The following SLIT2 variants were observed in gnomAD, a reference collection of about 807,000 sequenced individuals.
SLIT2 encodes the protein slit guidance ligand 2.
A neutral mutation model predicts 185.7 loss-of-function variants in SLIT2; 41 were observed. The observed-to-expected ratio is 0.22, with a 90% confidence interval of 0.17 to 0.29. The LOEUF is 0.29. SLIT2 is among the 10% of genes least tolerant of loss of function. The pLI is 1.00. For synonymous variants in SLIT2, 693 were observed against 680.2 expected (o/e 1.02, Z -0.29); for missense variants, 1,571 against 1,909.0 (o/e 0.82, Z 3.30).
chr4:20,472,276 C>CTATATATCTA (rs1715191446), intron 5 of SLIT2, among the ~76,000 whole-genome samples: 2 of 21,664 alleles, frequency 9.2e-5, no homozygotes, highest in African/African-American at 5.6e-4. Context: ...AGATATATAT[C>CTATATATCTA]TATATATATA....
At chr4:20,534,430 G>A (rs1006059062) in intron 18 of SLIT2, among the ~76,000 whole-genome samples, 1 of 152,128 alleles carries the variant, frequency 6.6e-6, no homozygotes, top group Non-Finnish European at 1.5e-5. Flanking sequence ...GGATTAGATT[G>A]AGGTATTTCA....
chr4:20,589,068 T>G (rs777657778), intron 29 of SLIT2, among the ~76,000 whole-genome samples: 1 of 152,190 alleles, frequency 6.6e-6, no homozygotes, highest in Non-Finnish European at 1.5e-5. Context: ...AACATAAAAC[T>G]ATAGAATAAG....
chr4:20,460,888 G>A (rs1713632141), intron 4 of SLIT2, among the ~76,000 whole-genome samples: 1 of 152,106 alleles, frequency 6.6e-6, no homozygotes, highest in Admixed American at 6.5e-5. Context: ...GTTCAAAAGA[G>A]GGAACAAGGG....
chr4:20,501,027 C>T (rs10005293), intron 9 of SLIT2, among the ~76,000 whole-genome samples: 3,142 of 152,138 alleles, frequency 0.021, 77 homozygotes, highest in African/African-American at 0.059. Context: ...TGCAATGATT[C>T]TTCTCTAGAT....
chr4:20,317,341 AT>A (rs5856556), intron 4 of SLIT2, among the ~76,000 whole-genome samples: 29,365 of 151,946 alleles, frequency 0.19, 3,431 homozygotes, highest in Middle Eastern at 0.31. Flanking sequence ...CTTCAATTTC[AT>A]GTATTTTAAG....
chr4:20,553,895 T>C lies in SLIT2; in HGVS notation c.2652T>C (p.Ala884=). Residue 884 remains alanine (A), a synonymous_variant, in exon 26 of 37, where the codon GCT becomes GCC. Transcript: ENST00000504154. ...VKSEYKEPGI[A]RCAGPGEMAD... ...CGGAATATAAGGAGCCTGGAATTGCTCGTTGTGCTGGTCCTGGAGAAATGG... is the reference window on the plus strand; with the variant it reads ...CGGAATATAAGGAGCCTGGAATTGCCCGTTGTGCTGGTCCTGGAGAAATGG... 1 of 1,612,934 alleles carries C rather than the reference T, an allele frequency of 6.2e-7. No homozygotes were observed.
intron 4 of SLIT2, among the ~76,000 whole-genome samples, chr4:20,271,574 A>G (rs13143064): frequency 2.0e-5 from 3 of 150,050 alleles, no homozygotes; most frequent in African/African-American, 7.3e-5. Context: ...TCATAAAAAA[A>G]CAAATTTAGG....
chr4:20,550,742 A>G (rs565055068), intron 24 of SLIT2, 85 bp from the exon 25 acceptor site: 139 of 774,606 alleles, frequency 1.8e-4, no homozygotes, highest in Admixed American at 3.0e-4. Flanking sequence ...TAAAATGCTT[A>G]TTATAAACTA....
At chr4:20,549,627 C>T (rs1723558699) in intron 24 of SLIT2, among the ~76,000 whole-genome samples, 1 of 151,778 alleles carries the variant, frequency 6.6e-6, no homozygotes, top group Non-Finnish European at 1.5e-5. Context: ...GATGTAGGCC[C>T]ATGGCTATAT....
chr4:20,467,908 G>A (rs1205592218), intron 5 of SLIT2, 85 bp downstream of exon 5: 10 of 665,326 alleles, frequency 1.5e-5, no homozygotes, highest in Non-Finnish European at 2.3e-5. Context: ...GTGTCAGAAA[G>A]AAATGGTGAA....
chr4:20,294,654 G>T (rs552057994), intron 4 of SLIT2, among the ~76,000 whole-genome samples: 1 of 152,228 alleles, frequency 6.6e-6, no homozygotes, highest in South Asian at 2.1e-4. Context: ...GTTATATATG[G>T]CCTTTTAATT....
At chr4:20,539,771 A>G (rs1722637463) in intron 19 of SLIT2, among the ~76,000 whole-genome samples, 187 bp downstream of exon 19, 2 of 152,166 alleles carry the variant, frequency 1.3e-5, no homozygotes, top group African/African-American at 4.8e-5. Context: ...CTTAGATTAA[A>G]TTTTAACAAA....
intron 4 of SLIT2, among the ~76,000 whole-genome samples, chr4:20,381,951 CTG>C (rs1396244543): frequency 6.6e-6 from 1 of 151,580 alleles, no homozygotes; most frequent in Non-Finnish European, 1.5e-5. Context: ...AAATACAAAA[CTG>C]TATTTATTTA....
At chr4:20,338,719 G>A (rs555004516) in intron 4 of SLIT2, among the ~76,000 whole-genome samples, 1 of 152,206 alleles carries the variant, frequency 6.6e-6, no homozygotes, top group East Asian at 1.9e-4. Context: ...GCAGGGAGGG[G>A]TTCTTTTATT....
chr4:20,578,905 C>G (rs1362479473), intron 29 of SLIT2, among the ~76,000 whole-genome samples: 1 of 152,088 alleles, frequency 6.6e-6, no homozygotes, highest in Non-Finnish European at 1.5e-5. Flanking sequence ...TTTTGATAAG[C>G]AGGCTTCCAC....
chr4:20,603,239 C>A (rs1728542934), intron 33 of SLIT2, among the ~76,000 whole-genome samples: 1 of 152,192 alleles, frequency 6.6e-6, no homozygotes, highest in Non-Finnish European at 1.5e-5. Context: ...ACCATCACAT[C>A]TCGTGAGACT....
chr4:20,577,770 TATAA>T (rs1726199545), intron 29 of SLIT2, among the ~76,000 whole-genome samples: 2 of 152,236 alleles, frequency 1.3e-5, no homozygotes, highest in African/African-American at 2.4e-5. Context: ...TTTCTGTTTC[TATAA>T]ATAAAGAACA....
At chr4:20,325,535 C>T (rs1467422988) in intron 4 of SLIT2, among the ~76,000 whole-genome samples, 3 of 151,684 alleles carry the variant, frequency 2.0e-5, no homozygotes, top group South Asian at 4.2e-4. Flanking sequence ...TTAGAAAATA[C>T]CTACACCATT....
intron 34 of SLIT2, chr4:20,614,824 G>A (rs1729529428): frequency 6.6e-6 from 1 of 151,416 alleles, no homozygotes; most frequent in African/African-American, 2.4e-5. Flanking sequence ...GTTTGTCAAT[G>A]AAGACCTAGC....
Sources: gnomAD v4.1 joint callset for allele counts (sites outside exome capture counted in the v4.1 genomes callset) on GRCh38, gnomAD v4.1.1 for gene constraint, MANE v1.5 for transcripts, NCBI Gene and HGNC (gene_info 2026-07-23, HGNC 2026-07-21) for gene names.